Variants in SGK3 observed in about 807,000 individuals in gnomAD.
SGK3 encodes the protein serum/glucocorticoid regulated kinase family member 3.
A neutral mutation model predicts 68.5 loss-of-function variants in SGK3; 47 were observed. That is an observed-to-expected ratio of 0.69 (90% CI 0.54 to 0.87). The LOEUF (loss-of-function observed/expected upper bound fraction) is 0.87. SGK3 is among the 40% of genes least tolerant of loss of function. SGK3 has a pLI of 0.00. For missense variants in SGK3, 479 were observed against 575.5 expected (o/e 0.83, Z 1.72); for synonymous variants, 181 against 189.1 (o/e 0.96, Z 0.35).
At chr8:66,842,899 G>A (rs937296784) in intron 13 of SGK3, among the ~76,000 whole-genome samples, 43 of 151,936 alleles carry the variant, frequency 2.8e-4, no homozygotes, top group African/African-American at 8.2e-4. Flanking sequence ...CTAAACCCCC[G>A]TCTCTATGAA....
chr8:66,803,515 ATG>A (rs976734640), intron 3 of SGK3, among the ~76,000 whole-genome samples: 1 of 134,814 alleles, frequency 7.4e-6, no homozygotes, highest in Non-Finnish European at 1.5e-5. Context: ...CAGTTTTTAC[ATG>A]TGTGTGTGTA....
chr8:66,720,552 C>T (rs1338405461), intron 1 of SGK3, among the ~76,000 whole-genome samples: 1 of 151,792 alleles, frequency 6.6e-6, no homozygotes, highest in Non-Finnish European at 1.5e-5. Context: ...GGTGGATCAC[C>T]TGAGGTTAGG....
At chr8:66,757,935 A>G (rs893778345) in intron 1 of SGK3, among the ~76,000 whole-genome samples, 1 of 146,316 alleles carries the variant, frequency 6.8e-6, no homozygotes, top group Non-Finnish European at 1.5e-5. Flanking sequence ...GTGTATATAT[A>G]TATATATACA....
At chr8:66,826,584 T>G (rs778758904) in intron 6 of SGK3, among the ~76,000 whole-genome samples, 1 of 152,178 alleles carries the variant, frequency 6.6e-6, no homozygotes, top group Admixed American at 6.5e-5. Context: ...GGAAATAAAT[T>G]TGAATTGTAA....
chr8:66,742,867 T>C (rs1271362176), intron 1 of SGK3, among the ~76,000 whole-genome samples: 1 of 152,180 alleles, frequency 6.6e-6, no homozygotes, highest in Non-Finnish European at 1.5e-5. Flanking sequence ...CATGCCTTTC[T>C]GTCTCCATTT....
intron 12 of SGK3, 47 bp from the exon 13 acceptor site, chr8:66,840,977 A>T: frequency 3.6e-6 from 5 of 1,382,180 alleles, no homozygotes; most frequent in Non-Finnish European, 3.9e-6. Context: ...AAAATTGTCA[A>T]TTCATATTTA....
chr8:66,745,416 C>A (rs1390588880), intron 1 of SGK3, among the ~76,000 whole-genome samples: 1 of 151,740 alleles, frequency 6.6e-6, no homozygotes, highest in Non-Finnish European at 1.5e-5. Flanking sequence ...CTAAAAAATA[C>A]AACAAAAATT....
Position 66,804,379 on chromosome 8 carries a change from A to G in SGK3, c.185A>G (p.Lys62Arg), listed in dbSNP as rs779347222. The change falls in exon 4 of 17, where the codon AAA (lysine) becomes AGA (arginine). Residue 62 changes from lysine to arginine, a missense_variant. By Grantham distance (26) the Lys-to-Arg change is conservative (BLOSUM62 2). Around this residue, in one of 3 missense-constraint regions of SGK3, gnomAD observed 298 missense variants for 329.4 expected, o/e 0.90. Coordinates refer to ENST00000521198, the MANE Select transcript of SGK3 (RefSeq NM_001033578.3). ...AEFDKLYNTL[K>R]KQFPAMALKI... Reference sequence around the variant, plus strand: ...TGTTATTTTTAAAAATTTTAGTTAAAAAAACAGTTTCCTGCTATGGCCCTG... The same window carrying G: ...TGTTATTTTTAAAAATTTTAGTTAAGAAAACAGTTTCCTGCTATGGCCCTG... The G allele has an allele frequency of 6.2e-7, 1 of 1,607,668 alleles. No individual in the cohort carries two copies. The highest frequency in any genetic ancestry group is 1.7e-5 in the Admixed American group (1 of 59,596).
intron 1 of SGK3, among the ~76,000 whole-genome samples, chr8:66,735,169 G>A (rs905439501): frequency 4.6e-5 from 7 of 152,152 alleles, no homozygotes; most frequent in Non-Finnish European, 8.8e-5. Flanking sequence ...GTGGTTTCAG[G>A]CATCCACTGG....
At chr8:66,807,285 A>G (rs1399917155) in intron 4 of SGK3, among the ~76,000 whole-genome samples, 1 of 152,220 alleles carries the variant, frequency 6.6e-6, no homozygotes, top group African/African-American at 2.4e-5. Flanking sequence ...TCAAACTACT[A>G]GTGATAATAT....
intron 6 of SGK3, 77 bp downstream of exon 6, chr8:66,822,536 T>C: frequency 7.2e-7 from 1 of 1,394,198 alleles, no homozygotes; most frequent in Non-Finnish European, 9.9e-7. Flanking sequence ...GGACACTTAC[T>C]TCAAATGAAG....
intron 1 of SGK3, among the ~76,000 whole-genome samples, chr8:66,713,637 C>T (rs1216622957): frequency 6.6e-6 from 1 of 152,212 alleles, no homozygotes; most frequent in African/African-American, 2.4e-5. Context: ...ATTGAGACTT[C>T]ACCCAGCCAA....
At chr8:66,731,056 A>T (rs1805136481) in intron 1 of SGK3, among the ~76,000 whole-genome samples, 1 of 152,102 alleles carries the variant, frequency 6.6e-6, no homozygotes. Flanking sequence ...ATATTGTTTA[A>T]TTTCCACATA....
chr8:66,764,874 T>C (rs867274956), intron 1 of SGK3, among the ~76,000 whole-genome samples: 2 of 152,218 alleles, frequency 1.3e-5, no homozygotes, highest in South Asian at 4.1e-4. Flanking sequence ...ATTCATTTTG[T>C]AGCATGTATC....
chr8:66,859,827 C>G lies in SGK3; in HGVS notation c.*246C>G. 5.3e-6 allele frequency: 2 copies of G among 376,842 alleles called. No individual in the cohort carries two copies. Among genetic ancestry groups the G allele is most frequent in the Non-Finnish European group, 8.9e-6 (2 of 224,798 alleles). The allele number at this position is 376,842 out of a possible 1,614,324, so 23.3% of individuals were successfully genotyped here. A position where few individuals can be genotyped will look rare whatever the true frequency, so the allele number is the denominator to read the frequency against. On this transcript the variant is annotated 3_prime_UTR_variant, in exon 17 of 17. Transcript: ENST00000521198. ...TTTAAACAATTTAAAAGCTATTATTCTTAGCATTAACCTATTTTTAAAGAA... is the reference window on the plus strand; with the variant it reads ...TTTAAACAATTTAAAAGCTATTATTGTTAGCATTAACCTATTTTTAAAGAA...
chr8:66,767,858 A>G, intron 1 of SGK3: 1 of 1,391,284 alleles, frequency 7.2e-7, no homozygotes, highest in Non-Finnish European at 1.0e-6. Flanking sequence ...GGAGCATCGA[A>G]TGTTTTGCCA....
At chr8:66,738,004 G>T (rs1805373503) in intron 1 of SGK3, among the ~76,000 whole-genome samples, 1 of 151,168 alleles carries the variant, frequency 6.6e-6, no homozygotes, top group African/African-American at 2.4e-5. Context: ...CCTGCAGGTA[G>T]TTCAAATTCA....
intron 16 of SGK3, among the ~76,000 whole-genome samples, chr8:66,858,786 AT>A (rs961774426): frequency 6.6e-6 from 1 of 151,912 alleles, no homozygotes; most frequent in Non-Finnish European, 1.5e-5. Context: ...CCTTTTTTGC[AT>A]TTTTTTGTTT....
At chr8:66,785,639 C>T (rs1315326580) in intron 1 of SGK3, among the ~76,000 whole-genome samples, 2 of 152,146 alleles carry the variant, frequency 1.3e-5, no homozygotes, top group African/African-American at 2.4e-5. Flanking sequence ...AATTGGCCCC[C>T]GATGAGAACC....
Sources: gnomAD v4.1 joint callset for allele counts (sites outside exome capture counted in the v4.1 genomes callset) on GRCh38, gnomAD v4.1.1 for gene constraint, gnomAD v4.1.1 regional missense constraint, MANE v1.5 for transcripts, NCBI Gene and HGNC (gene_info 2026-07-23, HGNC 2026-07-21) for gene names.